The following EXO5 variants were observed in gnomAD, a reference collection of about 807,000 sequenced individuals.
EXO5 encodes the protein exonuclease V.
EXO5 carries 11 observed loss-of-function variants against 17.8 expected under a neutral mutation model. The ratio of observed to expected loss-of-function variants is 0.62; its 90% CI spans 0.39 to 1.02. The LOEUF is 1.02. Among genes scored for constraint, EXO5 ranks in the 50% least tolerant of loss-of-function variants. EXO5 has a pLI of 0.00. For missense variants in EXO5, 364 were observed against 434.8 expected (o/e 0.84, Z 1.45); for synonymous variants, 147 against 166.5 (o/e 0.88, Z 0.90).
chr1:40,512,515 A>T (rs1645797828), intron 3 of EXO5, among the ~76,000 whole-genome samples: 1 of 152,252 alleles, frequency 6.6e-6, no homozygotes, highest in African/African-American at 2.4e-5. Context: ...AGAAGTAAAT[A>T]CAGCAAAATG....
At position 40,515,714 on chromosome 1, in the gene EXO5, A is replaced by G. The variant is rs767166233; in HGVS notation, c.*48A>G. The G allele has an allele frequency of 4.8e-5, 75 of 1,552,404 alleles. No individual in the cohort carries two copies. In the Middle Eastern group the frequency reaches 7.2e-4, roughly 15 times the overall value. On this transcript the variant is annotated 3_prime_UTR_variant, in exon 4 of 4. Transcript: ENST00000415550. ...TGTTGATCCTTCCTGCTCCTGTTGT[A>G]CCTAAGCAAAAGAGGACCAGTCTCT...
At position 40,515,500 on chromosome 1, in the gene EXO5, T is replaced by G. The variant is rs1226791585; in HGVS notation, c.956T>G (p.Val319Gly). ...AAAGAGAAGGAGGTGAGAGCCAAGGTGCAGCATTATATGGCCTACTGGATG... is the reference window on the plus strand; with the variant it reads ...AAAGAGAAGGAGGTGAGAGCCAAGGGGCAGCATTATATGGCCTACTGGATG... The part of the protein sequence containing the change: ...AFKEKEVRAK[V>G]QHYMAYWMGH... The change falls in exon 4 of 4, where the codon GTG (valine) becomes GGG (glycine). Residue 319 changes from valine to glycine, a missense_variant. Physicochemically the swap from Val to Gly is moderately radical, Grantham distance 109. Transcript: ENST00000415550. 6.2e-7 allele frequency: 1 copy of G among 1,612,986 alleles called. No homozygotes were observed. The highest frequency in any genetic ancestry group is 8.5e-7 in the Non-Finnish European group (1 of 1,179,744).
At chr1:40,510,956 CTGGGTGCGG>C (rs1464794936) in intron 3 of EXO5, among the ~76,000 whole-genome samples, 1 of 152,206 alleles carries the variant, frequency 6.6e-6, no homozygotes, top group African/African-American at 2.4e-5. Context: ...CCCTTTAGGG[CTGGGTGCGG>C]TGGCTCACGC....
chr1:40,513,626 G>A (rs1269979859), intron 3 of EXO5, among the ~76,000 whole-genome samples: 2 of 139,488 alleles, frequency 1.4e-5, no homozygotes, highest in Non-Finnish European at 3.1e-5. Flanking sequence ...GTCTTGCTCT[G>A]TCACCCAGGC....
chr1:40,512,750 C>A (rs995580419), intron 3 of EXO5, among the ~76,000 whole-genome samples: 1 of 152,058 alleles, frequency 6.6e-6, no homozygotes, highest in Non-Finnish European at 1.5e-5. Context: ...TACAGGTGCC[C>A]GCCACCACAC....
At position 40,514,991 on chromosome 1, in the gene EXO5, C is replaced by G; in HGVS notation, c.447C>G (p.Asn149Lys). The change falls in exon 4 of 4, where the codon AAC (asparagine) becomes AAG (lysine). Residue 149 changes from asparagine (N) to lysine (K), a missense_variant. Physicochemically the swap from Asn to Lys is moderately conservative, Grantham distance 94. Coordinates refer to ENST00000415550, the MANE Select transcript of EXO5 (RefSeq NM_001346953.2). The part of the protein sequence containing the change: ...KEDAWAIKFL[N>K]ILLLIPTLQS... ...ATGCTTGGGCAATTAAGTTTCTGAA[C>G]ATACTTTTGCTGATTCCTACCCTGC... 1 of 1,614,114 alleles carries G rather than the reference C, an allele frequency of 6.2e-7. No homozygotes were observed. The highest frequency in any genetic ancestry group is 1.3e-5 in the African/African-American group (1 of 75,028).
chr1:40,515,765 C>A lies in EXO5; in HGVS notation c.*99C>A. 1.5e-6 allele frequency: 2 copies of A among 1,345,384 alleles called. No individual in the cohort carries two copies. Among genetic ancestry groups the A allele is most frequent in the South Asian group, 1.5e-5 (1 of 68,636 alleles). The allele number at this position is 1,345,384 out of a possible 1,614,324, so 83.3% of individuals were successfully genotyped here. A position where few individuals can be genotyped will look rare whatever the true frequency, so the allele number is the denominator to read the frequency against. ...GAGCTTGGCTTTTATGGAGAGTGTT[C>A]TTATTTTGGTTCTTTTTTTTATTTC... On this transcript the variant is annotated 3_prime_UTR_variant, in exon 4 of 4. Transcript: ENST00000415550.
At position 40,515,443 on chromosome 1, in the gene EXO5, C is replaced by G. The variant is rs745968654; in HGVS notation, c.899C>G (p.Ala300Gly). 6.2e-7 allele frequency: 1 copy of G among 1,613,846 alleles called. No individual in the cohort carries two copies. The highest frequency in any genetic ancestry group is 2.2e-5 in the East Asian group (1 of 44,848). ...ATTGAGTATATCCACCAAGAGACTGCCACTGTGCTGGGTACTGAGATTGTA... is the reference window on the plus strand; with the variant it reads ...ATTGAGTATATCCACCAAGAGACTGGCACTGTGCTGGGTACTGAGATTGTA... ...LKIEYIHQET[A>G]TVLGTEIVAF... The change falls in exon 4 of 4, where the codon GCC becomes GGC. Residue 300 changes from alanine to glycine, a missense_variant. Physicochemically the swap from Ala to Gly is moderately conservative, Grantham distance 60. Transcript: ENST00000415550.
At position 40,514,460 on chromosome 1, in the gene EXO5, G is replaced by A. The variant is rs1645839596; in HGVS notation, c.-30-55G>A. On this transcript the variant is annotated intron_variant, in intron 3 of 3. Coordinates refer to ENST00000415550, the MANE Select transcript of EXO5 (RefSeq NM_001346953.2). ...GTTTTTATCTCACTGAAATTTGAAA[G>A]TGCTTTTGAGAACGTTTTTATTTGA... is the stretch of plus-strand genomic sequence containing the variant. 1.5e-5 allele frequency: 21 copies of A among 1,396,376 alleles called. No homozygotes were observed. The South Asian group carries it at 2.6e-4, about 17-fold the overall frequency. 86.5% of individuals were successfully genotyped at this position (1,396,376 alleles called of 1,614,324 possible). A position where few individuals can be genotyped will look rare whatever the true frequency, so the allele number is the denominator to read the frequency against.
rs1477490594 is a variant in EXO5, at chr1:40,515,862, C to A, written c.*196C>A. 34 of 521,496 alleles carry A rather than the reference C, an allele frequency of 6.5e-5. No homozygotes were observed. The Admixed American group carries it at 1.2e-3, about 18-fold the overall frequency. 32.3% of individuals were successfully genotyped at this position (521,496 alleles called of 1,614,324 possible). A position where few individuals can be genotyped will look rare whatever the true frequency, so the allele number is the denominator to read the frequency against. On this transcript the variant is annotated 3_prime_UTR_variant, in exon 4 of 4. Transcript: ENST00000415550. Reference sequence around the variant, plus strand: ...GTGGGAGAGATGGGTTATACTGTCCCTGGAGCTTCATCATGATTGCCTGAG... The same window carrying A: ...GTGGGAGAGATGGGTTATACTGTCCATGGAGCTTCATCATGATTGCCTGAG...
chr1:40,515,169 G>A lies in EXO5; in HGVS notation c.625G>A (p.Ala209Thr). 1 of 1,614,110 alleles carries A rather than the reference G, an allele frequency of 6.2e-7. No individual in the cohort carries two copies. Among genetic ancestry groups the A allele is most frequent in the Non-Finnish European group, 8.5e-7 (1 of 1,180,028 alleles). Residue 209 changes from alanine (A) to threonine (T), a missense_variant, in exon 4 of 4, where the codon GCT (alanine) becomes ACT (threonine). Transcript: ENST00000415550. ...TRRRPMLPLE[A>T]QKKKDCFQVS... The stretch of plus-strand genomic sequence containing the variant: ...CAGGCGCCCTATGCTCCCTCTGGAA[G>A]CTCAGAAGAAGAAAGACTGTTTTCA...
chr1:40,515,061 G>A lies in EXO5; in HGVS notation c.517G>A (p.Glu173Lys), dbSNP rs868052379. The change falls in exon 4 of 4, where the codon GAG becomes AAG. Residue 173 changes from glutamate (E) to lysine (K), a missense_variant. Physicochemically the swap from Glu to Lys is moderately conservative, Grantham distance 56. Coordinates refer to ENST00000415550, the MANE Select transcript of EXO5 (RefSeq NM_001346953.2). ...IREFPVFGEG[E>K]GVLLVGVIDE... is the part of the protein sequence containing the mutation. ...AGAGTTTCCAGTGTTTGGGGAAGGG[G>A]AGGGTGTACTTCTTGTTGGAGTGAT... is the stretch of plus-strand genomic sequence containing the variant. The A allele has an allele frequency of 6.2e-7, 1 of 1,614,138 alleles. No individual in the cohort carries two copies. The highest frequency in any genetic ancestry group is 8.5e-7 in the Non-Finnish European group (1 of 1,180,016).
At position 40,514,850 on chromosome 1, in the gene EXO5, T is replaced by A. The variant is rs768644767; in HGVS notation, c.306T>A (p.Leu102=). Reference sequence around the variant, plus strand: ...TGCAAACAGCATATGGGAAGGAGCTTCCTGGTTTCTTGGCACCTGAGAAGG... The same window carrying A: ...TGCAAACAGCATATGGGAAGGAGCTACCTGGTTTCTTGGCACCTGAGAAGG... ...CELQTAYGKE[L]PGFLAPEKAA... The change falls in exon 4 of 4, where the codon CTT becomes CTA. Residue 102 remains leucine, a synonymous_variant. Transcript: ENST00000415550. 6.2e-7 allele frequency: 1 copy of A among 1,614,190 alleles called. No homozygotes were observed. The highest frequency in any genetic ancestry group is 1.1e-5 in the South Asian group (1 of 91,084).
intron 3 of EXO5, among the ~76,000 whole-genome samples, chr1:40,512,901 C>A (rs1421272713): frequency 6.6e-6 from 1 of 152,148 alleles, no homozygotes; most frequent in East Asian, 1.9e-4. Context: ...CAGGCTTTAG[C>A]CACTGTACCC....
rs1308081854 is a variant in EXO5 at position 40,515,053 on chromosome 1, G to A, written c.509G>A (p.Gly170Glu). The change falls in exon 4 of 4, where the codon GGG becomes GAG. Residue 170 changes from glycine to glutamate, a missense_variant. Gly to Glu is a moderately conservative substitution (Grantham distance 98, BLOSUM62 -2). Transcript: ENST00000415550. ...CACATCAGAGAGTTTCCAGTGTTTG[G>A]GGAAGGGGAGGGTGTACTTCTTGTT... The part of the protein sequence containing the change: ...EGHIREFPVF[G>E]EGEGVLLVGV... 16 of 1,613,984 alleles carry A rather than the reference G, an allele frequency of 9.9e-6. No homozygotes were observed. The East Asian group carries it at 3.6e-4, about 36-fold the overall frequency.
intron 3 of EXO5, among the ~76,000 whole-genome samples, chr1:40,513,985 A>C (rs1418051054): frequency 6.6e-6 from 1 of 151,324 alleles, no homozygotes; most frequent in African/African-American, 2.4e-5. Flanking sequence ...GAATAAAACT[A>C]TTTTTCCACT....
Position 40,515,856 on chromosome 1 carries a change from C to G in EXO5, c.*190C>G, listed in dbSNP as rs958593966. The G allele has an allele frequency of 7.5e-5, 44 of 587,550 alleles. No individual in the cohort carries two copies. Among genetic ancestry groups the G allele is most frequent in the Non-Finnish European group, 1.2e-4 (41 of 330,028 alleles). 36.4% of individuals were successfully genotyped at this position (587,550 alleles called of 1,614,324 possible). Reference sequence around the variant, plus strand: ...GGATGAGTGGGAGAGATGGGTTATACTGTCCCTGGAGCTTCATCATGATTG... The same window carrying G: ...GGATGAGTGGGAGAGATGGGTTATAGTGTCCCTGGAGCTTCATCATGATTG... On this transcript the variant is annotated 3_prime_UTR_variant, in exon 4 of 4. Transcript: ENST00000415550.
In EXO5 at chr1:40,515,910, G is replaced by A; in HGVS notation, c.*244G>A. The A allele has an allele frequency of 7.1e-6, 3 of 419,958 alleles. No homozygotes were observed. Among genetic ancestry groups the A allele is most frequent in the South Asian group, 5.1e-5 (1 of 19,462 alleles). 26.0% of individuals were successfully genotyped at this position (419,958 alleles called of 1,614,324 possible). ...GAGAAGACAGATGCTCATCATGGCTGGAATGAAGGTATCCTTCAGTAAACT... is the reference window on the plus strand; with the variant it reads ...GAGAAGACAGATGCTCATCATGGCTAGAATGAAGGTATCCTTCAGTAAACT... On this transcript the variant is annotated 3_prime_UTR_variant, in exon 4 of 4. Transcript: ENST00000415550.
intron 3 of EXO5, among the ~76,000 whole-genome samples, chr1:40,510,894 T>TG (rs1386505165): frequency 6.6e-6 from 1 of 152,244 alleles, no homozygotes; most frequent in Non-Finnish European, 1.5e-5. Context: ...GATTTGGACT[T>TG]GGAGTTCCCC....
Sources: gnomAD v4.1 joint callset for allele counts (sites outside exome capture counted in the v4.1 genomes callset) on GRCh38, gnomAD v4.1.1 for gene constraint, MANE v1.5 for transcripts, NCBI Gene and HGNC (gene_info 2026-07-23, HGNC 2026-07-21) for gene names.